The following PPP3CA variants were observed in gnomAD, a reference collection of about 807,000 sequenced individuals.
PPP3CA encodes the protein CAM-PRP catalytic subunit.
A neutral mutation model predicts 66.5 loss-of-function variants in PPP3CA; 14 were observed. The ratio of observed to expected loss-of-function variants is 0.21; its 90% CI spans 0.14 to 0.33. PPP3CA has a LOEUF of 0.33. Ranked by LOEUF, PPP3CA falls within the 10% of genes least tolerant of loss-of-function variation. The pLI is 1.00. For synonymous variants in PPP3CA, 232 were observed against 226.2 expected, an observed-to-expected ratio of 1.03 and a Z score of -0.23; for missense variants, 317 against 639.5, an observed-to-expected ratio of 0.50 and a Z score of 5.44.
intron 5 of PPP3CA, among the ~76,000 whole-genome samples, chr4:101,095,926 A>C (rs1730176684): frequency 6.6e-6 from 1 of 152,190 alleles, no homozygotes; most frequent in Admixed American, 6.5e-5. Flanking sequence ...CTGGGATTAC[A>C]GGCGTGAGGC....
At chr4:101,288,828 C>T (rs1176937671) in intron 1 of PPP3CA, among the ~76,000 whole-genome samples, 1 of 152,066 alleles carries the variant, frequency 6.6e-6, no homozygotes, top group East Asian at 1.9e-4. Context: ...CAAGCTGGGG[C>T]AATGTGTTAA....
At chr4:101,293,171 G>GA (rs991688499) in intron 1 of PPP3CA, among the ~76,000 whole-genome samples, 5 of 152,188 alleles carry the variant, frequency 3.3e-5, no homozygotes, top group African/African-American at 1.2e-4. Flanking sequence ...TTCACAGCAG[G>GA]AAAGGGAAAG....
intron 8 of PPP3CA, among the ~76,000 whole-genome samples, chr4:101,072,817 T>C (rs573926839): frequency 1.7e-3 from 257 of 151,424 alleles, no homozygotes; most frequent in African/African-American, 6.0e-3. Flanking sequence ...GTGCCTGTAG[T>C]CCCAGCTACT....
intron 13 of PPP3CA, among the ~76,000 whole-genome samples, chr4:101,027,460 A>C (rs1726711882): frequency 6.6e-6 from 1 of 152,120 alleles, no homozygotes; most frequent in Non-Finnish European, 1.5e-5. Flanking sequence ...GTCAACTGTG[A>C]GAGGAATAAG....
At chr4:101,320,602 C>A (rs1486897319) in intron 1 of PPP3CA, among the ~76,000 whole-genome samples, 2 of 151,936 alleles carry the variant, frequency 1.3e-5, no homozygotes, top group African/African-American at 4.8e-5. Flanking sequence ...AAAGAAATAA[C>A]CTTCATATAG....
chr4:101,043,146 C>T (rs914506666), intron 10 of PPP3CA, among the ~76,000 whole-genome samples: 8 of 151,724 alleles, frequency 5.3e-5, no homozygotes, highest in South Asian at 4.1e-4. Context: ...GTGGCTAAGA[C>T]GTCTAAAAAT....
chr4:101,227,516 T>TAG (rs1725821114), intron 1 of PPP3CA, among the ~76,000 whole-genome samples: 2 of 151,778 alleles, frequency 1.3e-5, no homozygotes, highest in African/African-American at 4.8e-5. Flanking sequence ...TAGTGGTGCT[T>TAG]AGAGGAGAGT....
chr4:101,188,489 A>G (rs1278845401), intron 2 of PPP3CA, among the ~76,000 whole-genome samples: 2 of 152,088 alleles, frequency 1.3e-5, no homozygotes, highest in African/African-American at 2.4e-5. Flanking sequence ...GTATAATCCT[A>G]CTTTTTCAAA....
intron 1 of PPP3CA, among the ~76,000 whole-genome samples, chr4:101,296,143 C>A (rs1728192696): frequency 6.6e-6 from 1 of 152,010 alleles, no homozygotes. Context: ...AATGGTAGCA[C>A]AAAAGGAATT....
chr4:101,279,697 A>G (rs566652017), intron 1 of PPP3CA, among the ~76,000 whole-genome samples: 2 of 152,248 alleles, frequency 1.3e-5, no homozygotes, highest in African/African-American at 4.8e-5. Flanking sequence ...TTTTTACTAT[A>G]AAAAGGGCAA....
chr4:101,041,429 A>ATTTTTTTTTTTTTTTTTTTTTTTTTT, intron 10 of PPP3CA, among the ~76,000 whole-genome samples: 1 of 86,154 alleles, frequency 1.2e-5, no homozygotes, highest in Non-Finnish European at 2.2e-5. Flanking sequence ...TACCTCACAA[A>ATTTTTTTTTTTTTTTTTTTTTTTTTT]TTTTTTTTTT....
intron 2 of PPP3CA, among the ~76,000 whole-genome samples, chr4:101,116,268 C>T (rs1395615797): frequency 1.3e-5 from 2 of 151,878 alleles, no homozygotes; most frequent in Non-Finnish European, 2.9e-5. Flanking sequence ...CTACTTTCAG[C>T]TTCCTTTACT....
chr4:101,330,473 A>G lies in PPP3CA; in HGVS notation c.58+16266T>C, dbSNP rs139522745. On this transcript the variant is annotated intron_variant, in intron 1 of 13. Coordinates refer to ENST00000394854, the MANE Select transcript of PPP3CA (RefSeq NM_000944.5). ...CCCCAAGACACTGACAGTTCAGATGATCATTAGCACAACGGTTATGTATTT... is the reference window on the plus strand; with the variant it reads ...CCCCAAGACACTGACAGTTCAGATGGTCATTAGCACAACGGTTATGTATTT... 1.0e-4 allele frequency: 55 copies of G among 526,428 alleles called. No homozygotes were observed. In the East Asian group the frequency reaches 3.0e-3, roughly 29 times the overall value. 32.6% of individuals were successfully genotyped at this position (526,428 alleles called of 1,614,324 possible). A position where few individuals can be genotyped will look rare whatever the true frequency, so the allele number is the denominator to read the frequency against.
intron 1 of PPP3CA, among the ~76,000 whole-genome samples, chr4:101,327,427 G>A (rs1479094052): frequency 6.6e-6 from 1 of 151,106 alleles, no homozygotes; most frequent in Non-Finnish European, 1.5e-5. Flanking sequence ...CCCAAAAGAA[G>A]AGCTCTCATA....
At chr4:101,306,219 T>A (rs975561357) in intron 1 of PPP3CA, among the ~76,000 whole-genome samples, 5 of 152,078 alleles carry the variant, frequency 3.3e-5, no homozygotes, top group Admixed American at 1.3e-4. Flanking sequence ...TAAGCGCATA[T>A]GGGGGCAGCT....
At chr4:101,106,442 A>G (rs1343803073) in intron 3 of PPP3CA, among the ~76,000 whole-genome samples, 1 of 12,130 alleles carries the variant, frequency 8.2e-5, no homozygotes, top group African/African-American at 3.3e-4. Context: ...AGAAAGAAAG[A>G]AAGAAAGAAA....
At chr4:101,026,665 A>C in intron 13 of PPP3CA, among the ~76,000 whole-genome samples, 1 of 151,820 alleles carries the variant, frequency 6.6e-6, no homozygotes, top group Non-Finnish European at 1.5e-5. Flanking sequence ...AAAAAAAAGA[A>C]ATTATAAACT....
intron 2 of PPP3CA, among the ~76,000 whole-genome samples, chr4:101,164,562 G>GTTTTTTTTT (rs36078367): frequency 4.9e-5 from 7 of 142,198 alleles, no homozygotes; most frequent in Admixed American, 1.4e-4. Flanking sequence ...TGGGATTTAA[G>GTTTTTTTTT]TTTTTTTTTT....
chr4:101,345,288 T>C (rs996752805), intron 1 of PPP3CA, among the ~76,000 whole-genome samples: 2 of 152,352 alleles, frequency 1.3e-5, no homozygotes, highest in East Asian at 3.9e-4. Context: ...AAAATTACTT[T>C]AAAAACTGAG....
Sources: allele counts gnomAD v4.1 joint callset (sites outside exome capture counted in the v4.1 genomes callset), GRCh38; gene constraint gnomAD v4.1.1; transcripts MANE v1.5; gene names NCBI Gene and HGNC (gene_info 2026-07-23, HGNC 2026-07-21).